RPS6KA5: variants seen among roughly 807,000 people sequenced by gnomAD.
RPS6KA5 encodes ribosomal protein S6 kinase A5.
RPS6KA5 carries 27 observed loss-of-function variants against 85.5 expected under a neutral mutation model. The ratio of observed to expected loss-of-function variants is 0.32; its 90% CI spans 0.23 to 0.44. The LOEUF (loss-of-function observed/expected upper bound fraction) is 0.44, where lower values mean the gene tolerates loss of function less well. Among genes scored for constraint, RPS6KA5 ranks in the 20% least tolerant of loss-of-function variants. RPS6KA5 has a pLI of 1.00. For missense variants in RPS6KA5, 811 were observed against 980.9 expected (o/e 0.83, Z 2.31); for synonymous variants, 334 against 348.2 (o/e 0.96, Z 0.46).
chr14:90,962,034 T>C (rs972189709), intron 3 of RPS6KA5, among the ~76,000 whole-genome samples: 2 of 152,204 alleles, frequency 1.3e-5, no homozygotes, highest in African/African-American at 2.4e-5. Flanking sequence ...ATAATACATA[T>C]AAAGGACAAT....
intron 3 of RPS6KA5, among the ~76,000 whole-genome samples, chr14:90,958,721 C>CA (rs2140411933): frequency 6.6e-6 from 1 of 152,164 alleles, no homozygotes; most frequent in Non-Finnish European, 1.5e-5. Context: ...ATTGAAAAAA[C>CA]AGACAAAAAT....
Position 90,848,730 on chromosome 14 carries a change from T to C in RPS6KA5, c.*23344A>G, listed in dbSNP as rs996894771. 6.6e-6 allele frequency: 1 copy of C among 152,214 alleles called. No homozygotes were observed. The highest frequency in any genetic ancestry group is 1.5e-5 in the Non-Finnish European group (1 of 68,034). 9.4% of individuals were successfully genotyped at this position (152,214 alleles called of 1,614,324 possible). ...GCCAGCTGAGTGACTTGCAAAGGTTTGCCCCAGAAGGGCTTTTTAAAGAGG... is the reference window on the plus strand; with the variant it reads ...GCCAGCTGAGTGACTTGCAAAGGTTCGCCCCAGAAGGGCTTTTTAAAGAGG... On this transcript the variant is annotated 3_prime_UTR_variant, in exon 17 of 17. Coordinates refer to ENST00000614987, the MANE Select transcript of RPS6KA5 (RefSeq NM_004755.4).
Position 90,868,173 on chromosome 14 carries a change from G to C in RPS6KA5, c.*3901C>G, listed in dbSNP as rs2032883182. 1 of 152,156 alleles carries C rather than the reference G, an allele frequency of 6.6e-6. No individual in the cohort carries two copies. Among genetic ancestry groups the C allele is most frequent in the Non-Finnish European group, 1.5e-5 (1 of 68,010 alleles). 9.4% of individuals were successfully genotyped at this position (152,156 alleles called of 1,614,324 possible). A position where few individuals can be genotyped will look rare whatever the true frequency, so the allele number is the denominator to read the frequency against. ...AAAACCTTTAATGTTGGCTGTAGCA[G>C]TTATTTTCTTTGGGTAGATTATACT... On this transcript the variant is annotated 3_prime_UTR_variant, in exon 17 of 17. Coordinates refer to ENST00000614987, the MANE Select transcript of RPS6KA5 (RefSeq NM_004755.4).
chr14:91,058,419 T>G (rs1167190304), intron 1 of RPS6KA5, among the ~76,000 whole-genome samples: 1 of 152,228 alleles, frequency 6.6e-6, no homozygotes, highest in Non-Finnish European at 1.5e-5. Context: ...AACCAAGCAG[T>G]TGGTTAACTA....
rs1482268702 is a variant in RPS6KA5, at chr14:90,856,705, T to C, written c.*15369A>G. On this transcript the variant is annotated 3_prime_UTR_variant, in exon 17 of 17. Transcript: ENST00000614987. The stretch of plus-strand genomic sequence containing the variant: ...AATATAAGATAAAATTCATTTTAAG[T>C]GTACCATTCATTGTTTTTTACTACA... 6.6e-6 allele frequency: 1 copy of C among 152,240 alleles called. No individual in the cohort carries two copies. Among genetic ancestry groups the C allele is most frequent in the Non-Finnish European group, 1.5e-5 (1 of 68,086 alleles). 9.4% of individuals were successfully genotyped at this position (152,240 alleles called of 1,614,324 possible). A position where few individuals can be genotyped will look rare whatever the true frequency, so the allele number is the denominator to read the frequency against.
intron 14 of RPS6KA5, among the ~76,000 whole-genome samples, chr14:90,889,963 T>C (rs1192778718): frequency 1.3e-5 from 2 of 152,140 alleles, no homozygotes; most frequent in East Asian, 1.9e-4. Flanking sequence ...AAACACAAGA[T>C]TTTTCTAGCT....
chr14:90,923,740 T>C (rs368787990), intron 5 of RPS6KA5, among the ~76,000 whole-genome samples: 1 of 152,144 alleles, frequency 6.6e-6, no homozygotes, highest in East Asian at 1.9e-4. Flanking sequence ...CCATCTTGTG[T>C]AGGTTTGACA....
intron 3 of RPS6KA5, among the ~76,000 whole-genome samples, chr14:90,970,886 T>C (rs1261608127): frequency 6.9e-6 from 1 of 145,732 alleles, no homozygotes; most frequent in African/African-American, 2.5e-5. Context: ...AATCAGAGGC[T>C]TAAAAGATAT....
chr14:90,987,300 G>A (rs979458370), intron 2 of RPS6KA5, among the ~76,000 whole-genome samples: 3 of 152,092 alleles, frequency 2.0e-5, no homozygotes, highest in Non-Finnish European at 4.4e-5. Context: ...TGATGACTAA[G>A]TCATCATACT....
chr14:90,910,996 C>T (rs1191436259), intron 7 of RPS6KA5, among the ~76,000 whole-genome samples: 1 of 152,116 alleles, frequency 6.6e-6, no homozygotes, highest in Admixed American at 6.5e-5. Context: ...TGCTCTTAAA[C>T]CCACTGAAGT....
intron 1 of RPS6KA5, among the ~76,000 whole-genome samples, chr14:91,004,700 G>A (rs1448500614): frequency 6.6e-6 from 1 of 151,994 alleles, no homozygotes; most frequent in Non-Finnish European, 1.5e-5. Context: ...GGGCGCGGTG[G>A]CTCACACCTG....
intron 7 of RPS6KA5, among the ~76,000 whole-genome samples, chr14:90,916,014 TAATG>T (rs2036101093): frequency 6.6e-6 from 1 of 152,160 alleles, no homozygotes; most frequent in Non-Finnish European, 1.5e-5. Flanking sequence ...AAATGATTTC[TAATG>T]AATAGCTAAA....
intron 2 of RPS6KA5, among the ~76,000 whole-genome samples, chr14:90,992,640 G>A (rs1355649581): frequency 2.6e-5 from 4 of 152,158 alleles, no homozygotes; most frequent in African/African-American, 4.8e-5. Flanking sequence ...CAATGAGTTG[G>A]AGGAAATAAT....
At chr14:91,039,391 C>T (rs528584220) in intron 1 of RPS6KA5, among the ~76,000 whole-genome samples, 2 of 151,954 alleles carry the variant, frequency 1.3e-5, no homozygotes, top group Non-Finnish European at 2.9e-5. Context: ...AGAGTGAAAT[C>T]GAGAATAAAG....
At chr14:90,940,103 G>A (rs74086810) in intron 5 of RPS6KA5, among the ~76,000 whole-genome samples, 2,922 of 152,260 alleles carry the variant, frequency 0.019, 79 homozygotes, top group African/African-American at 0.062. Flanking sequence ...CCTGAGCCCT[G>A]AGAGTTAAAC....
chr14:90,987,189 T>C (rs2040090972), intron 2 of RPS6KA5, among the ~76,000 whole-genome samples: 1 of 152,212 alleles, frequency 6.6e-6, no homozygotes, highest in African/African-American at 2.4e-5. Flanking sequence ...AAATTATAAA[T>C]TTTTTGAATG....
At chr14:90,955,818 T>G (rs551551213) in intron 3 of RPS6KA5, among the ~76,000 whole-genome samples, 15 of 152,310 alleles carry the variant, frequency 9.8e-5, no homozygotes, top group African/African-American at 1.7e-4. Flanking sequence ...GAATGGGATA[T>G]TATTGCTGAA....
At chr14:90,995,043 TTTTTG>T (rs977104783) in intron 2 of RPS6KA5, among the ~76,000 whole-genome samples, 18 of 152,118 alleles carry the variant, frequency 1.2e-4, no homozygotes, top group South Asian at 1.0e-3. Context: ...TGTGTGTGGT[TTTTTG>T]TTTTGTTTTG....
At chr14:90,920,419 T>A in intron 6 of RPS6KA5, 110 bp from the exon 7 acceptor site, 1 of 738,842 alleles carries the variant, frequency 1.4e-6, no homozygotes. Context: ...AAAAATGATT[T>A]TGTACACCTC....
Sources: gnomAD v4.1 joint callset for allele counts (sites outside exome capture counted in the v4.1 genomes callset) on GRCh38, gnomAD v4.1.1 for gene constraint, MANE v1.5 for transcripts, NCBI Gene and HGNC (gene_info 2026-07-23, HGNC 2026-07-21) for gene names.